Variants in PLXNB2 observed in about 807,000 individuals in gnomAD.
The protein encoded by PLXNB2 is plexin-B2.
A neutral mutation model predicts 202.6 loss-of-function variants in PLXNB2; 85 were observed. The ratio of observed to expected loss-of-function variants is 0.42; its 90% CI spans 0.35 to 0.50. The LOEUF (loss-of-function observed/expected upper bound fraction) is 0.50. Among genes scored for constraint, PLXNB2 ranks in the 20% least tolerant of loss-of-function variants. The pLI is 0.02. For missense variants in PLXNB2, 2,063 were observed against 2,586.2 expected (o/e 0.80, Z 4.39); for synonymous variants, 1,239 against 1,137.6 (o/e 1.09, Z -1.79).
chr22:50,293,363 C>T (rs928201808), intron 2 of PLXNB2, among the ~76,000 whole-genome samples: 16 of 152,222 alleles, frequency 1.1e-4, no homozygotes, highest in African/African-American at 3.4e-4. Flanking sequence ...CAACCCCCGC[C>T]GCGCCCCTCC....
intron 1 of PLXNB2, among the ~76,000 whole-genome samples, chr22:50,307,335 C>G (rs2067925255): frequency 6.7e-6 from 1 of 149,206 alleles, no homozygotes; most frequent in African/African-American, 2.5e-5. Flanking sequence ...GCCCGTCCCC[C>G]GAGTCAACAC....
At chr22:50,298,053 G>A (rs2067400489) in intron 1 of PLXNB2, among the ~76,000 whole-genome samples, 2 of 152,032 alleles carry the variant, frequency 1.3e-5, no homozygotes, top group Non-Finnish European at 2.9e-5. Flanking sequence ...GGTCTTCCCC[G>A]ACAGGCCCCG....
At chr22:50,279,593 C>T (rs369382131) in intron 27 of PLXNB2, 37 bp downstream of exon 27, 67 of 1,605,540 alleles carry the variant, frequency 4.2e-5, no homozygotes, top group Non-Finnish European at 5.3e-5. Flanking sequence ...AGCCCAGATC[C>T]GAGGCGCCCA....
chr22:50,290,779 G>T (rs1194634688), intron 2 of PLXNB2, among the ~76,000 whole-genome samples, 182 bp from the exon 3 acceptor site: 4 of 152,176 alleles, frequency 2.6e-5, no homozygotes, highest in African/African-American at 9.7e-5. Context: ...GGTCTCGCCG[G>T]AGACCACTTC....
In PLXNB2 at chr22:50,288,785, C is replaced by T. The variant is rs371482524; in HGVS notation, c.1338G>A (p.Leu446=). Reference sequence around the variant, plus strand: ...CGTACAGGCTGCCCAGGTCTCCAGACAGTACCAGGTCGCGCTTGACTCTCT... The same window carrying T: ...CGTACAGGCTGCCCAGGTCTCCAGATAGTACCAGGTCGCGCTTGACTCTCT... ...INKRVKRDLV[L]SGDLGSLYAM... is the part of the protein sequence containing the mutation. The change falls in exon 5 of 37, where the codon CTG becomes CTA. Residue 446 remains leucine (L), a synonymous_variant. Transcript: ENST00000359337. The surrounding 1 kb of genome is among the most constrained non-coding windows in gnomAD (Gnocchi z 5.0). 1 of 1,613,022 alleles carries T rather than the reference C, an allele frequency of 6.2e-7. No homozygotes were observed. Among genetic ancestry groups the T allele is most frequent in the African/African-American group, 1.3e-5 (1 of 74,922 alleles).
At chr22:50,283,801 G>A in intron 14 of PLXNB2, 32 bp downstream of exon 14, 1 of 1,612,456 alleles carries the variant, frequency 6.2e-7, no homozygotes, top group Non-Finnish European at 8.5e-7. Flanking sequence ...CAGGGACGAG[G>A]GAAGGTGTAG....
chr22:50,287,310 T>C, intron 7 of PLXNB2, 46 bp from the exon 8 acceptor site: 1 of 1,452,166 alleles, frequency 6.9e-7, no homozygotes. Flanking sequence ...CCGAGTCCTG[T>C]CAGCCCACCT....
chr22:50,294,685 G>GTTCTAGATACCTCCGGCCTCCCTGT, intron 2 of PLXNB2, 34 bp downstream of exon 2: 1 of 950,242 alleles, frequency 1.1e-6, no homozygotes, highest in Non-Finnish European at 1.3e-6. Flanking sequence ...CATAGCCCCA[G>GTTCTAGATACCTCCGGCCTCCCTGT]CCACCCACTG....
chr22:50,293,949 G>A (rs1435331479), intron 2 of PLXNB2, among the ~76,000 whole-genome samples: 1 of 152,248 alleles, frequency 6.6e-6, no homozygotes, highest in Non-Finnish European at 1.5e-5. Flanking sequence ...TTTTCAGGGT[G>A]GCAGGCGCGG....
chr22:50,286,157 G>C lies in PLXNB2; in HGVS notation c.1877+16C>G. ...GTGGACGGGCAGGGTGGGGTCGATGGGCACAAGACACTCACGGCAGGTTCT... is the reference window on the plus strand; with the variant it reads ...GTGGACGGGCAGGGTGGGGTCGATGCGCACAAGACACTCACGGCAGGTTCT... On this transcript the variant is annotated intron_variant, in intron 9 of 36. Transcript: ENST00000359337. The C allele has an allele frequency of 6.2e-7, 1 of 1,610,662 alleles. No individual in the cohort carries two copies. The highest frequency in any genetic ancestry group is 8.5e-7 in the Non-Finnish European group (1 of 1,177,612).
Position 50,284,778 on chromosome 22 carries a change from C to T in PLXNB2, c.2089-113G>A. 1 of 815,136 alleles carries T rather than the reference C, an allele frequency of 1.2e-6. No individual in the cohort carries two copies. Among genetic ancestry groups the T allele is most frequent in the South Asian group, 1.4e-5 (1 of 73,552 alleles). 50.5% of individuals were successfully genotyped at this position (815,136 alleles called of 1,614,324 possible). A position where few individuals can be genotyped will look rare whatever the true frequency, so the allele number is the denominator to read the frequency against. ...TACAGTGTGGGAGCCCTCTCCTCAC[C>T]CCACACATGCCCGCCCCTCAGATTA... On this transcript the variant is annotated intron_variant, in intron 11 of 36. Transcript: ENST00000359337. This position sits in a 1 kb window ranked among gnomAD's most constrained non-coding sequence, Gnocchi z 8.0.
rs756834081 is a variant in PLXNB2, at chr22:50,286,076, G to A, written c.1900C>T (p.Arg634Cys). 3 of 1,611,992 alleles carry A rather than the reference G, an allele frequency of 1.9e-6. No homozygotes were observed. Among genetic ancestry groups the A allele is most frequent in the South Asian group, 1.1e-5 (1 of 91,086 alleles). ...NLPCISCVSN[R>C]WTCQWDLRYH... Reference sequence around the variant, plus strand: ...CGCAGGTCCCACTGGCAGGTCCAGCGGTTGCTCACGCAGGAGATGCACCTG... The same window carrying A: ...CGCAGGTCCCACTGGCAGGTCCAGCAGTTGCTCACGCAGGAGATGCACCTG... The change falls in exon 10 of 37, where the codon CGC becomes TGC. Residue 634 changes from arginine (R) to cysteine (C), a missense_variant. Coordinates refer to ENST00000359337, the MANE Select transcript of PLXNB2 (RefSeq NM_012401.4).
At position 50,291,445 on chromosome 22, in the gene PLXNB2, G is replaced by A. The variant is rs1271135315; in HGVS notation, c.-13-848C>T. On this transcript the variant is annotated intron_variant, in intron 2 of 36. Coordinates refer to ENST00000359337, the MANE Select transcript of PLXNB2 (RefSeq NM_012401.4). This position sits in a 1 kb window ranked among gnomAD's most constrained non-coding sequence, Gnocchi z 4.3. ...GAGCACGTCTCGGTGTGGGGTCTGT[G>A]CCTGGGTCCGGGTGGATGAGGGGGA... is the stretch of plus-strand genomic sequence containing the variant. Among the ~76,000 whole-genome samples the A allele has an allele frequency of 1.3e-5, 2 of 152,130 alleles. No homozygotes were observed. Among genetic ancestry groups the A allele is most frequent in the Non-Finnish European group, 1.5e-5 (1 of 68,018 alleles).
intron 35 of PLXNB2, 61 bp downstream of exon 35, chr22:50,276,568 G>T: frequency 7.2e-7 from 1 of 1,390,998 alleles, no homozygotes; most frequent in Non-Finnish European, 1.0e-6. Context: ...TCAGGGCCAG[G>T]CTCAGCATGG....
At chr22:50,298,224 G>A (rs1361070868) in intron 1 of PLXNB2, among the ~76,000 whole-genome samples, 1 of 152,242 alleles carries the variant, frequency 6.6e-6, no homozygotes, top group Non-Finnish European at 1.5e-5. Flanking sequence ...AGAGCAGAAG[G>A]GTCTCCTCCC....
At chr22:50,301,200 G>A (rs142126389) in intron 1 of PLXNB2, 69 of 162,548 alleles carry the variant, frequency 4.2e-4, no homozygotes, top group Non-Finnish European at 7.1e-4. Flanking sequence ...GTCCCCACAC[G>A]CACCAGGCCT....
At chr22:50,283,772 A>G (rs943754756) in intron 14 of PLXNB2, 22 bp from the exon 15 acceptor site, 3 of 1,612,808 alleles carry the variant, frequency 1.9e-6, no homozygotes, top group Non-Finnish European at 2.5e-6. Flanking sequence ...GAGCCGGGTG[A>G]GCAGGGAGGG....
chr22:50,291,954 G>A lies in PLXNB2; in HGVS notation c.-13-1357C>T, dbSNP rs2066899288. Among the ~76,000 whole-genome samples the A allele has an allele frequency of 1.3e-5, 2 of 152,230 alleles. No individual in the cohort carries two copies. On this transcript the variant is annotated intron_variant, in intron 2 of 36. Transcript: ENST00000359337. This position sits in a 1 kb window ranked among gnomAD's most constrained non-coding sequence, Gnocchi z 4.3. ...TGCAGGCCCACCCCGTGCCTCCAGA[G>A]GGACTGCCACATCCTCTCAGGCCAC... is the stretch of plus-strand genomic sequence containing the variant.
chr22:50,300,900 G>A (rs543994064), intron 1 of PLXNB2, among the ~76,000 whole-genome samples: 1 of 152,260 alleles, frequency 6.6e-6, no homozygotes, highest in African/African-American at 2.4e-5. Flanking sequence ...ACACACCCAG[G>A]CCACCTGGTA....
Sources: gnomAD v4.1 joint callset for allele counts (sites outside exome capture counted in the v4.1 genomes callset) on GRCh38, gnomAD v4.1.1 for gene constraint, Gnocchi (gnomAD v3.1) non-coding constraint, MANE v1.5 for transcripts, NCBI Gene and HGNC (gene_info 2026-07-23, HGNC 2026-07-21) for gene names.